Variants in TBC1D5 observed in about 807,000 individuals in gnomAD.
TBC1D5 encodes TBC1 domain family member 5, also known as TBC1 domain family, member 5.
TBC1D5 carries 75 observed loss-of-function variants against 100.3 expected under a neutral mutation model. The observed-to-expected ratio is 0.75, with a 90% CI of 0.62 to 0.91. The LOEUF (loss-of-function observed/expected upper bound fraction) is 0.91. Ranked by LOEUF, TBC1D5 falls within the 40% of genes least tolerant of loss-of-function variation. TBC1D5 has a pLI of 0.00. For missense variants in TBC1D5, 910 were observed against 942.4 expected (o/e 0.97, Z 0.45); for synonymous variants, 323 against 325.6 (o/e 0.99, Z 0.09).
chr3:17,706,031 C>A lies in TBC1D5; in HGVS notation c.-101+33312G>T, dbSNP rs1244735200. The A allele has an allele frequency of 8.4e-6, 13 of 1,550,384 alleles. No homozygotes were observed. In the African/African-American group the frequency reaches 1.5e-4, roughly 18 times the overall value. Reference sequence around the variant, plus strand: ...CTTGCTGTCACCCAGCCTGGACTTACACCATGTTCTTTAAGGTGGGAGCCT... The same window carrying A: ...CTTGCTGTCACCCAGCCTGGACTTAAACCATGTTCTTTAAGGTGGGAGCCT... On this transcript the variant is annotated intron_variant, in intron 1 of 21. Transcript: ENST00000253692.
chr3:17,668,794 C>A (rs901104634), intron 1 of TBC1D5, among the ~76,000 whole-genome samples: 80 of 151,890 alleles, frequency 5.3e-4, no homozygotes, highest in African/African-American at 1.9e-3. Flanking sequence ...CAATGCTCCC[C>A]AGCTGCCCAC....
rs1360289208 is a variant in TBC1D5, at chr3:17,452,641, G to A, written c.98-24122C>T. ...ACAATTATAAATATATATGCATCCA[G>A]TACTGAGCATCCAACATATAAAGCA... On this transcript the variant is annotated intron_variant, in intron 3 of 21. Coordinates refer to ENST00000253692, the Ensembl canonical transcript of TBC1D5. 2.0e-5 allele frequency among the ~76,000 whole-genome samples: 3 copies of A among 152,098 alleles called. No homozygotes were observed. The East Asian group carries it at 5.8e-4, about 29-fold the overall frequency.
chr3:17,173,763 G>A (rs1026231871), intron 19 of TBC1D5, among the ~76,000 whole-genome samples: 2 of 152,076 alleles, frequency 1.3e-5, no homozygotes, highest in Non-Finnish European at 2.9e-5. Flanking sequence ...TCATATAAGG[G>A]ACTGTAGTAG....
chr3:17,350,618 C>A (rs977671883), intron 13 of TBC1D5, among the ~76,000 whole-genome samples: 2 of 152,296 alleles, frequency 1.3e-5, no homozygotes, highest in Non-Finnish European at 2.9e-5. Context: ...TCATTCGCGA[C>A]ACATTTGCAT....
intron 2 of TBC1D5, among the ~76,000 whole-genome samples, chr3:17,604,821 C>A (rs1560262265): frequency 6.6e-6 from 1 of 152,066 alleles, no homozygotes; most frequent in Admixed American, 6.5e-5. Flanking sequence ...ACTACAGGTG[C>A]ATACCACCAC....
intron 18 of TBC1D5, among the ~76,000 whole-genome samples, chr3:17,201,045 T>A (rs2071401533): frequency 6.6e-6 from 1 of 152,226 alleles, no homozygotes; most frequent in Admixed American, 6.5e-5. Flanking sequence ...TCTTATTAGT[T>A]CTTCATGTTA....
intron 13 of TBC1D5, among the ~76,000 whole-genome samples, chr3:17,347,048 T>C (rs1015311934): frequency 6.6e-6 from 1 of 152,242 alleles, no homozygotes; most frequent in Non-Finnish European, 1.5e-5. Context: ...TTTACCTTTA[T>C]TTAAATTATA....
At chr3:17,649,493 T>A (rs2065329735) in intron 1 of TBC1D5, among the ~76,000 whole-genome samples, 1 of 151,982 alleles carries the variant, frequency 6.6e-6, no homozygotes, top group African/African-American at 2.4e-5. Context: ...ATAAAAATAA[T>A]GCACTCAAAA....
At chr3:17,729,524 G>A (rs1000401221) in intron 1 of TBC1D5, among the ~76,000 whole-genome samples, 10 of 151,546 alleles carry the variant, frequency 6.6e-5, no homozygotes, top group African/African-American at 1.7e-4. Context: ...TGGCTAACAC[G>A]GTGAAACCCC....
In TBC1D5 at chr3:17,492,727, T is replaced by C. The variant is rs1420806157; in HGVS notation, c.97+15747A>G. On this transcript the variant is annotated intron_variant, in intron 3 of 21. Transcript: ENST00000253692. The stretch of plus-strand genomic sequence containing the variant: ...CTGGGATTACAGGCGTGAGCCACCA[T>C]ACTCGGACATAAATTTCCATCTTAA... 3.3e-5 allele frequency among the ~76,000 whole-genome samples: 5 copies of C among 152,308 alleles called. No individual in the cohort carries two copies. In the East Asian group the frequency reaches 9.7e-4, roughly 29 times the overall value.
intron 2 of TBC1D5, among the ~76,000 whole-genome samples, chr3:17,533,749 G>T (rs2096256131): frequency 6.7e-6 from 1 of 150,342 alleles, no homozygotes; most frequent in Non-Finnish European, 1.5e-5. Flanking sequence ...TCTGGATTTG[G>T]GTTTCTTTTA....
intron 2 of TBC1D5, among the ~76,000 whole-genome samples, chr3:17,555,515 G>C (rs2096510804): frequency 1.3e-5 from 2 of 152,108 alleles, no homozygotes; most frequent in Admixed American, 1.3e-4. Context: ...GCAATAGATG[G>C]CAACTGTTTC....
exon 22 of TBC1D5, chr3:17,160,314 C>T (rs1215675774): frequency 1.3e-5 from 2 of 152,120 alleles, no homozygotes; most frequent in African/African-American, 4.8e-5. Flanking sequence ...AAATATTATT[C>T]CTAAGCTTAG....
At chr3:17,621,704 T>C (rs2062673431) in intron 2 of TBC1D5, among the ~76,000 whole-genome samples, 1 of 127,308 alleles carries the variant, frequency 7.9e-6, no homozygotes, top group African/African-American at 3.0e-5. Context: ...GTATTCTCGC[T>C]AACTTTTTTT....
intron 3 of TBC1D5, among the ~76,000 whole-genome samples, chr3:17,442,535 C>G (rs180984576): frequency 1.3e-5 from 2 of 152,164 alleles, no homozygotes; most frequent in Non-Finnish European, 2.9e-5. Flanking sequence ...GTGGGGTAAC[C>G]CTGTAGAAGA....
intron 13 of TBC1D5, among the ~76,000 whole-genome samples, chr3:17,338,273 C>T (rs1038883170): frequency 2.0e-5 from 3 of 152,214 alleles, no homozygotes; most frequent in Middle Eastern, 3.4e-3. Context: ...TAAGATGACC[C>T]GTCTTTAGTT....
chr3:17,548,207 C>T (rs963088612), intron 2 of TBC1D5, among the ~76,000 whole-genome samples: 1 of 152,028 alleles, frequency 6.6e-6, no homozygotes, highest in African/African-American at 2.4e-5. Context: ...CCCAGCTACT[C>T]TGGAGGCTGA....
At chr3:17,485,161 G>C (rs912727573) in intron 3 of TBC1D5, among the ~76,000 whole-genome samples, 6 of 151,878 alleles carry the variant, frequency 4.0e-5, no homozygotes, top group Non-Finnish European at 8.8e-5. Flanking sequence ...ACCGAAATAA[G>C]GAATGGGTTT....
At chr3:17,183,110 C>T (rs913499400) in intron 19 of TBC1D5, among the ~76,000 whole-genome samples, 1 of 152,068 alleles carries the variant, frequency 6.6e-6, no homozygotes, top group African/African-American at 2.4e-5. Context: ...TGAAACTCTC[C>T]CCCCAACTGG....
Sources: allele counts gnomAD v4.1 joint callset (sites outside exome capture counted in the v4.1 genomes callset), GRCh38; gene constraint gnomAD v4.1.1; transcripts MANE v1.5; gene names NCBI Gene and HGNC (gene_info 2026-07-23, HGNC 2026-07-21).